SLC9A9: variants seen among roughly 807,000 people sequenced by gnomAD.
The protein encoded by SLC9A9 is solute carrier family 9 member A9, also known as sodium/hydrogen exchanger 9.
In SLC9A9, 62 loss-of-function variants were observed where a neutral mutation model predicts 77.8. That is an observed-to-expected ratio of 0.80 (90% confidence interval 0.65 to 0.98). SLC9A9 has a LOEUF of 0.98. Among genes scored for constraint, SLC9A9 ranks in the 50% least tolerant of loss-of-function variants. The pLI is 0.00. For synonymous variants in SLC9A9, 320 were observed against 283.5 expected (o/e 1.13, Z -1.29); for missense variants, 775 against 774.9 (o/e 1.00, Z 0.00).
intron 9 of SLC9A9, among the ~76,000 whole-genome samples, chr3:143,530,069 T>C (rs1297101159): frequency 1.3e-5 from 2 of 152,230 alleles, no homozygotes; most frequent in Non-Finnish European, 2.9e-5. Flanking sequence ...CTATTGACGT[T>C]GTAGCATGCA....
chr3:143,522,932 A>G (rs1471884254), intron 9 of SLC9A9, among the ~76,000 whole-genome samples: 1 of 152,154 alleles, frequency 6.6e-6, no homozygotes, highest in Non-Finnish European at 1.5e-5. Flanking sequence ...TAAGTATCTC[A>G]TTAGGCCCAC....
intron 4 of SLC9A9, among the ~76,000 whole-genome samples, chr3:143,756,514 C>T (rs1370530257): frequency 1.3e-5 from 2 of 152,150 alleles, no homozygotes; most frequent in Admixed American, 6.5e-5. Flanking sequence ...GTATATGAAA[C>T]ATCTGAATAT....
At chr3:143,647,983 G>A (rs942215808) in intron 6 of SLC9A9, among the ~76,000 whole-genome samples, 1 of 152,128 alleles carries the variant, frequency 6.6e-6, no homozygotes, top group Non-Finnish European at 1.5e-5. Context: ...TTCACTAGAA[G>A]CAGACTTATC....
At chr3:143,410,765 A>G (rs905260856) in intron 12 of SLC9A9, among the ~76,000 whole-genome samples, 6 of 152,148 alleles carry the variant, frequency 3.9e-5, no homozygotes, top group Non-Finnish European at 8.8e-5. Flanking sequence ...CTAATATACT[A>G]AAAGTATTTA....
At chr3:143,697,261 A>G (rs75523831) in intron 4 of SLC9A9, among the ~76,000 whole-genome samples, 267 of 152,272 alleles carry the variant, frequency 1.8e-3, no homozygotes, top group Non-Finnish European at 3.2e-3. Flanking sequence ...TATAAAATTG[A>G]GTATACTTAG....
chr3:143,801,350 A>T (rs1165067924), intron 2 of SLC9A9, among the ~76,000 whole-genome samples: 1 of 152,152 alleles, frequency 6.6e-6, no homozygotes, highest in African/African-American at 2.4e-5. Context: ...GAGGCCCTTA[A>T]AATCACACAC....
intron 4 of SLC9A9, among the ~76,000 whole-genome samples, chr3:143,772,904 G>A (rs545368139): frequency 4.6e-5 from 7 of 152,288 alleles, no homozygotes; most frequent in Admixed American, 6.5e-5. Context: ...TTTTAACTAT[G>A]TTAAGGATGA....
intron 2 of SLC9A9, chr3:143,811,691 CAAAAACAA>C (rs1406467212): frequency 1.8e-5 from 8 of 454,188 alleles, no homozygotes; most frequent in East Asian, 1.4e-4. Context: ...AGTTAAAAAA[CAAAAACAA>C]AAAAACAAAA....
intron 4 of SLC9A9, among the ~76,000 whole-genome samples, chr3:143,722,262 A>G (rs569694627): frequency 1.5e-3 from 233 of 152,208 alleles, no homozygotes; most frequent in Non-Finnish European, 1.9e-3. Context: ...TCACGAGGTC[A>G]GGAGATCGAG....
chr3:143,471,910 T>C (rs1482612927), intron 11 of SLC9A9, among the ~76,000 whole-genome samples: 1 of 152,202 alleles, frequency 6.6e-6, no homozygotes, highest in African/African-American at 2.4e-5. Flanking sequence ...TAGAAAACTA[T>C]TGAACCAAGG....
intron 12 of SLC9A9, among the ~76,000 whole-genome samples, chr3:143,422,585 A>G (rs1302664216): frequency 5.9e-5 from 9 of 152,126 alleles, no homozygotes; most frequent in Admixed American, 5.9e-4. Flanking sequence ...TAGACACTGG[A>G]AACTACTAGA....
At chr3:143,346,315 A>C (rs1020831413) in intron 14 of SLC9A9, among the ~76,000 whole-genome samples, 1 of 152,198 alleles carries the variant, frequency 6.6e-6, no homozygotes, top group African/African-American at 2.4e-5. Flanking sequence ...ACTTTACTCA[A>C]ATGGAAACCT....
chr3:143,378,248 G>T (rs963886979), intron 13 of SLC9A9, among the ~76,000 whole-genome samples: 7 of 152,102 alleles, frequency 4.6e-5, no homozygotes, highest in African/African-American at 1.7e-4. Flanking sequence ...CGTAGGAGTG[G>T]GTACCAAGAA....
At chr3:143,362,755 T>C (rs1340975404) in intron 14 of SLC9A9, among the ~76,000 whole-genome samples, 1 of 152,216 alleles carries the variant, frequency 6.6e-6, no homozygotes, top group Non-Finnish European at 1.5e-5. Flanking sequence ...CCTTTCTTCC[T>C]TGGAGCTTTT....
intron 6 of SLC9A9, among the ~76,000 whole-genome samples, chr3:143,645,278 T>C (rs1163585203): frequency 6.6e-6 from 1 of 152,162 alleles, no homozygotes. Context: ...CAAGATGACG[T>C]TACCAAGAGA....
chr3:143,671,187 C>T (rs1047233991), intron 5 of SLC9A9, among the ~76,000 whole-genome samples: 46 of 152,132 alleles, frequency 3.0e-4, no homozygotes, highest in African/African-American at 1.0e-3. Context: ...CTCTAGTAGA[C>T]GTATTCAGAT....
chr3:143,621,737 C>T (rs2038216859), intron 6 of SLC9A9, among the ~76,000 whole-genome samples: 1 of 152,168 alleles, frequency 6.6e-6, no homozygotes, highest in Admixed American at 6.5e-5. Flanking sequence ...CTCAGCTCCT[C>T]ACCAGCAATG....
chr3:143,754,212 C>T (rs952423679), intron 4 of SLC9A9, among the ~76,000 whole-genome samples: 1 of 152,186 alleles, frequency 6.6e-6, no homozygotes, highest in Non-Finnish European at 1.5e-5. Context: ...AAAACATAAC[C>T]ATGGCAATGA....
intron 12 of SLC9A9, among the ~76,000 whole-genome samples, chr3:143,449,993 CAT>C (rs1491154068): frequency 3.6e-4 from 24 of 67,020 alleles, no homozygotes; most frequent in East Asian, 1.1e-3. Context: ...TGTATATATA[CAT>C]ATATATACAT....
Sources: gnomAD v4.1 joint callset for allele counts (sites outside exome capture counted in the v4.1 genomes callset) on GRCh38, gnomAD v4.1.1 for gene constraint, MANE v1.5 for transcripts, NCBI Gene and HGNC (gene_info 2026-07-23, HGNC 2026-07-21) for gene names.